The following ELP4 variants were observed in gnomAD, a reference collection of about 807,000 sequenced individuals.
ELP4 encodes elongator complex protein 4.
ELP4 carries 51 observed loss-of-function variants against 48.9 expected under a neutral mutation model. That is an observed-to-expected ratio of 1.04 (90% CI 0.83 to 1.32). The LOEUF (loss-of-function observed/expected upper bound fraction) is 1.32. Among genes scored for constraint, ELP4 ranks in the 40% most tolerant of loss-of-function variants. The pLI is 0.00. For synonymous variants in ELP4, 210 were observed against 189.2 expected (o/e 1.11, Z -0.90); for missense variants, 519 against 514.6 (o/e 1.01, Z -0.08).
intron 9 of ELP4, among the ~76,000 whole-genome samples, chr11:31,768,214 C>CT (rs1394274504): frequency 2.6e-5 from 4 of 152,050 alleles, no homozygotes; most frequent in Non-Finnish European, 4.4e-5. Context: ...TATTGTTATG[C>CT]TATATACTTA....
chr11:31,615,486 A>G (rs943212869), intron 5 of ELP4, among the ~76,000 whole-genome samples: 5 of 152,220 alleles, frequency 3.3e-5, no homozygotes, highest in Middle Eastern at 3.4e-3. Context: ...TTATATTTTG[A>G]AATTTATTAT....
At chr11:31,561,106 A>T (rs1444410530) in intron 3 of ELP4, among the ~76,000 whole-genome samples, 2 of 152,300 alleles carry the variant, frequency 1.3e-5, no homozygotes, top group African/African-American at 4.8e-5. Flanking sequence ...ATGTGTATAC[A>T]TGTATACATA....
intron 9 of ELP4, among the ~76,000 whole-genome samples, chr11:31,760,676 A>G (rs1266173405): frequency 6.6e-6 from 1 of 152,246 alleles, no homozygotes; most frequent in African/African-American, 2.4e-5. Context: ...TAGAAATAAT[A>G]CTTCCTGTAA....
intron 7 of ELP4, among the ~76,000 whole-genome samples, chr11:31,641,425 C>G (rs1457613160): frequency 6.6e-6 from 1 of 151,670 alleles, no homozygotes. Flanking sequence ...ATTATAAAAG[C>G]AATGCTATAT....
chr11:31,522,206 A>G (rs763828356), intron 2 of ELP4, among the ~76,000 whole-genome samples: 10 of 152,168 alleles, frequency 6.6e-5, no homozygotes, highest in Non-Finnish European at 8.8e-5. Flanking sequence ...TTTTAAGACT[A>G]TATCTTATGG....
intron 2 of ELP4, among the ~76,000 whole-genome samples, chr11:31,528,173 A>G (rs1956329396): frequency 6.6e-6 from 1 of 152,040 alleles, no homozygotes; most frequent in Admixed American, 6.6e-5. Flanking sequence ...TTTTTACATC[A>G]GGTAATCATG....
intron 9 of ELP4, among the ~76,000 whole-genome samples, chr11:31,674,090 G>A (rs1025347315): frequency 6.6e-6 from 1 of 152,118 alleles, no homozygotes; most frequent in East Asian, 1.9e-4. Flanking sequence ...GGTATCTTTC[G>A]TGGAGAATAC....
chr11:31,579,105 C>G (rs940136178), intron 3 of ELP4, among the ~76,000 whole-genome samples: 1 of 151,960 alleles, frequency 6.6e-6, no homozygotes, highest in African/African-American at 2.4e-5. Context: ...AAAATCAACC[C>G]CATCAAAAAG....
intron 9 of ELP4, among the ~76,000 whole-genome samples, chr11:31,718,638 A>C (rs1946890091): frequency 6.6e-6 from 1 of 152,170 alleles, no homozygotes; most frequent in South Asian, 2.1e-4. Context: ...CCTCAACTGG[A>C]GCTGTCTTCC....
intron 9 of ELP4, among the ~76,000 whole-genome samples, chr11:31,675,077 A>G (rs1407314895): frequency 1.3e-5 from 2 of 152,120 alleles, no homozygotes; most frequent in Non-Finnish European, 2.9e-5. Context: ...TGCTAATACT[A>G]CAAAAAGGCA....
intron 9 of ELP4, among the ~76,000 whole-genome samples, chr11:31,697,590 T>C (rs1247797069): frequency 6.6e-6 from 1 of 152,176 alleles, no homozygotes; most frequent in African/African-American, 2.4e-5. Context: ...TTTGTAGTCA[T>C]TCTTGGAAAC....
At chr11:31,781,186 A>G (rs1948365079) in intron 9 of ELP4, among the ~76,000 whole-genome samples, 1 of 152,160 alleles carries the variant, frequency 6.6e-6, no homozygotes, top group Admixed American at 6.5e-5. Context: ...ACTCCACTTG[A>G]TTTACCAAAC....
rs35644855 is a variant in ELP4, at chr11:31,790,260, GA to G, written c.*6746del. 0.47 allele frequency: 225,427 copies of G among 482,848 alleles called. 53,081 individuals are homozygous for G. The highest frequency in any genetic ancestry group is 0.58 in the South Asian group (18,025 of 30,884). 29.9% of individuals were successfully genotyped at this position (482,848 alleles called of 1,614,324 possible). On this transcript the variant is annotated 3_prime_UTR_variant, in exon 10 of 10. Transcript: ENST00000640961. The stretch of plus-strand genomic sequence containing the variant: ...CCCCCCACCCCAATCCAAAGGAAAA[GA>G]AAAAAAAAATCCTCTGTTTGTTTGC...
In ELP4 at chr11:31,788,933, A is replaced by C. The variant is rs1227354910; in HGVS notation, c.*5409A>C. On this transcript the variant is annotated 3_prime_UTR_variant, in exon 10 of 10. Transcript: ENST00000640961. ...TATAAGGTTAAAAAGAAAACTGTAT[A>C]ATAAAGGAAATACAAAGGCTTTGGC... 1.5e-5 allele frequency: 3 copies of C among 200,070 alleles called. No individual in the cohort carries two copies. Among genetic ancestry groups the C allele is most frequent in the Middle Eastern group, 1.7e-3 (1 of 596 alleles). The allele number at this position is 200,070 out of a possible 1,614,324, so 12.4% of individuals were successfully genotyped here. A position where few individuals can be genotyped will look rare whatever the true frequency, so the allele number is the denominator to read the frequency against.
intron 9 of ELP4, among the ~76,000 whole-genome samples, chr11:31,678,232 A>G (rs1945972731): frequency 6.6e-6 from 1 of 152,062 alleles, no homozygotes; most frequent in African/African-American, 2.4e-5. Context: ...GGATTGATTG[A>G]GGCCAGGAGT....
At chr11:31,553,484 T>C (rs1592111090) in intron 3 of ELP4, among the ~76,000 whole-genome samples, 1 of 152,054 alleles carries the variant, frequency 6.6e-6, no homozygotes, top group African/African-American at 2.4e-5. Context: ...GGTAATTGGC[T>C]TTTTCCTGCC....
At chr11:31,759,994 A>G (rs958821049) in intron 9 of ELP4, among the ~76,000 whole-genome samples, 2 of 152,196 alleles carry the variant, frequency 1.3e-5, no homozygotes, top group Middle Eastern at 3.4e-3. Context: ...ATGAGCCACT[A>G]TGGTCGGTCA....
chr11:31,669,825 C>G (rs943297711), intron 9 of ELP4, among the ~76,000 whole-genome samples: 2 of 152,180 alleles, frequency 1.3e-5, no homozygotes, highest in Non-Finnish European at 1.5e-5. Flanking sequence ...TATTAGTAAT[C>G]AGTCCTCCAA....
At chr11:31,563,550 ATATTTT>A (rs961284111) in intron 3 of ELP4, among the ~76,000 whole-genome samples, 1 of 152,188 alleles carries the variant, frequency 6.6e-6, no homozygotes, top group Non-Finnish European at 1.5e-5. Flanking sequence ...TACTGGAATA[ATATTTT>A]TATATGGGAA....
Sources: allele counts gnomAD v4.1 joint callset (sites outside exome capture counted in the v4.1 genomes callset), GRCh38; gene constraint gnomAD v4.1.1; transcripts MANE v1.5; gene names NCBI Gene and HGNC (gene_info 2026-07-23, HGNC 2026-07-21).